The following XKR6 variants were observed in gnomAD, a reference collection of about 807,000 sequenced individuals.
The protein encoded by XKR6 is XK related 6, also known as XK-related protein 6.
A neutral mutation model predicts 56.7 loss-of-function variants in XKR6; 22 were observed. The observed-to-expected ratio is 0.39, with a 90% CI of 0.28 to 0.55. The LOEUF (loss-of-function observed/expected upper bound fraction) is 0.55, where lower values mean the gene tolerates loss of function less well. XKR6 is among the 20% of genes least tolerant of loss of function. The pLI is 0.66. For synonymous variants in XKR6, 524 were observed against 387.8 expected, an observed-to-expected ratio of 1.35 and a Z score of -4.13; for missense variants, 852 against 889.0, an observed-to-expected ratio of 0.96 and a Z score of 0.53.
intron 2 of XKR6, among the ~76,000 whole-genome samples, chr8:10,920,478 G>A (rs1403901679): frequency 3.3e-5 from 5 of 152,192 alleles, no homozygotes; most frequent in Non-Finnish European, 5.9e-5. Context: ...AGCTTTCTAC[G>A]CTGCGACCCT....
intron 1 of XKR6, among the ~76,000 whole-genome samples, chr8:10,995,255 C>T (rs1282002395): frequency 6.6e-6 from 1 of 151,680 alleles, no homozygotes; most frequent in Non-Finnish European, 1.5e-5. Flanking sequence ...TGGCTCACAC[C>T]TATAATCCCA....
intron 1 of XKR6, among the ~76,000 whole-genome samples, chr8:11,013,245 C>T (rs4401812): frequency 0.032 from 4,923 of 152,278 alleles, 260 homozygotes; most frequent in African/African-American, 0.11. Flanking sequence ...AGGACTTGCC[C>T]ATGGTCTCTA....
chr8:11,168,969 G>C (rs1438365829), intron 1 of XKR6, among the ~76,000 whole-genome samples: 1 of 152,122 alleles, frequency 6.6e-6, no homozygotes, highest in East Asian at 1.9e-4. Context: ...GACATGATTT[G>C]GACTGTTTGC....
intron 1 of XKR6, among the ~76,000 whole-genome samples, chr8:10,949,677 C>T (rs1035003456): frequency 6.6e-6 from 1 of 152,184 alleles, no homozygotes; most frequent in African/African-American, 2.4e-5. Flanking sequence ...GGAAAACAGG[C>T]GAGCACCATT....
chr8:10,939,212 C>A (rs995428148), intron 1 of XKR6, among the ~76,000 whole-genome samples: 1 of 152,122 alleles, frequency 6.6e-6, no homozygotes, highest in Non-Finnish European at 1.5e-5. Flanking sequence ...AGCTGACCGG[C>A]CCAACCAGGC....
chr8:11,148,732 CA>C (rs1363558160), intron 1 of XKR6, among the ~76,000 whole-genome samples: 1 of 152,180 alleles, frequency 6.6e-6, no homozygotes, highest in African/African-American at 2.4e-5. Context: ...CACAAATGTT[CA>C]CATCATGTTT....
chr8:11,135,321 G>A (rs1800333249), intron 1 of XKR6, among the ~76,000 whole-genome samples: 1 of 152,118 alleles, frequency 6.6e-6, no homozygotes, highest in Non-Finnish European at 1.5e-5. Flanking sequence ...GAGCCACCAT[G>A]CCCGGCCAAA....
intron 1 of XKR6, among the ~76,000 whole-genome samples, chr8:11,153,734 C>G (rs1801372235): frequency 6.6e-6 from 1 of 152,162 alleles, no homozygotes; most frequent in South Asian, 2.1e-4. Context: ...AATGAGATCT[C>G]CATTCTTTGA....
intron 1 of XKR6, among the ~76,000 whole-genome samples, chr8:11,084,531 A>AT (rs1797823399): frequency 6.6e-6 from 1 of 152,236 alleles, no homozygotes; most frequent in Non-Finnish European, 1.5e-5. Flanking sequence ...AAAGCACTTC[A>AT]TATTTACATA....
chr8:11,087,051 G>A lies in XKR6; in HGVS notation c.764+113525C>T, dbSNP rs538653932. On this transcript the variant is annotated intron_variant, in intron 1 of 2. Coordinates refer to ENST00000416569, the MANE Select transcript of XKR6 (RefSeq NM_173683.4). ...TGGGCAAGTAGAATCAATTAACCCC[G>A]AACTCCCCTCTGAACTCTCTCCCCA... Among the ~76,000 whole-genome samples, 13 of 152,112 alleles carry A rather than the reference G, an allele frequency of 8.5e-5. No homozygotes were observed. In the South Asian group the frequency reaches 2.1e-3, roughly 24 times the overall value.
Position 10,914,737 on chromosome 8 carries a change from G to T in XKR6, c.961+9897C>A, listed in dbSNP as rs142881682. Among the ~76,000 whole-genome samples the T allele has an allele frequency of 2.8e-3, 321 of 116,078 alleles. 2 individuals carry two copies. Among genetic ancestry groups the T allele is most frequent in the African/African-American group, 0.011 (314 of 28,374 alleles). 76.2% of individuals were successfully genotyped at this position (116,078 alleles called of 152,430 possible). ...CCAATTCCCCATGTGGGAAAGTGGG[G>T]GAAATCTCACAGCTCCCTGGTAAGA... On this transcript the variant is annotated intron_variant, in intron 2 of 2. Coordinates refer to ENST00000416569, the MANE Select transcript of XKR6 (RefSeq NM_173683.4).
intron 1 of XKR6, among the ~76,000 whole-genome samples, chr8:10,926,296 C>T (rs1217700335): frequency 1.3e-5 from 2 of 152,216 alleles, no homozygotes; most frequent in African/African-American, 2.4e-5. Flanking sequence ...TCTACTCTTA[C>T]CCCAGAACAA....
intron 1 of XKR6, chr8:11,035,176 C>G: frequency 1.9e-6 from 1 of 534,664 alleles, no homozygotes; most frequent in Non-Finnish European, 3.8e-6. Context: ...CGTGCCCAGC[C>G]CAGCGTGGGT....
At chr8:11,120,724 GCCAAGTCAAT>G (rs1309994658) in intron 1 of XKR6, among the ~76,000 whole-genome samples, 1 of 152,082 alleles carries the variant, frequency 6.6e-6, no homozygotes, top group Non-Finnish European at 1.5e-5. Flanking sequence ...AGCCCGCATC[GCCAAGTCAAT>G]CCTAAGCAAA....
chr8:11,135,343 T>A (rs542142506), intron 1 of XKR6, among the ~76,000 whole-genome samples: 1 of 152,300 alleles, frequency 6.6e-6, no homozygotes, highest in East Asian at 1.9e-4. Flanking sequence ...AGCCCTAAAT[T>A]TTTTAATTGA....
chr8:11,115,404 A>C (rs1431854740), intron 1 of XKR6, among the ~76,000 whole-genome samples: 1 of 152,212 alleles, frequency 6.6e-6, no homozygotes, highest in African/African-American at 2.4e-5. Context: ...CCATAATTTA[A>C]AATTCAGAAA....
intron 1 of XKR6, among the ~76,000 whole-genome samples, chr8:11,058,659 G>C (rs535895109): frequency 6.6e-6 from 1 of 152,260 alleles, no homozygotes; most frequent in Admixed American, 6.5e-5. Flanking sequence ...GACACCGGGA[G>C]GGGAACATCA....
intron 2 of XKR6, among the ~76,000 whole-genome samples, chr8:10,912,004 T>TAG (rs1198732719): frequency 6.7e-5 from 10 of 148,390 alleles, no homozygotes; most frequent in African/African-American, 1.5e-4. Flanking sequence ...TATATATATA[T>TAG]AGAGAGAGAG....
intron 1 of XKR6, among the ~76,000 whole-genome samples, chr8:11,163,536 C>T (rs950328534): frequency 4.6e-5 from 7 of 152,136 alleles, no homozygotes; most frequent in African/African-American, 9.7e-5. Context: ...TAGGTAACTA[C>T]GACAAAATGA....
Sources: gnomAD v4.1 joint callset for allele counts (sites outside exome capture counted in the v4.1 genomes callset) on GRCh38, gnomAD v4.1.1 for gene constraint, MANE v1.5 for transcripts, NCBI Gene and HGNC (gene_info 2026-07-23, HGNC 2026-07-21) for gene names.